The following KCNQ1 variants were observed in gnomAD, a reference collection of about 807,000 sequenced individuals.
KCNQ1 encodes potassium voltage-gated channel subfamily KQT member 1.
Under a neutral mutation model 72.4 loss-of-function variants are expected in KCNQ1, and 49 were observed. The observed-to-expected ratio is 0.68, with a 90% CI of 0.54 to 0.86. The LOEUF is 0.86. Ranked by LOEUF, KCNQ1 falls within the 40% of genes least tolerant of loss-of-function variation. KCNQ1 has a pLI of 0.00. For synonymous variants in KCNQ1, 450 were observed against 412.6 expected (o/e 1.09, Z -1.10); for missense variants, 790 against 945.1 (o/e 0.84, Z 2.15).
chr11:2,751,454 C>G (rs907344124), intron 11 of KCNQ1, among the ~76,000 whole-genome samples: 1 of 152,234 alleles, frequency 6.6e-6, no homozygotes. Context: ...CCACGTTCCA[C>G]CCCCAGGAAA....
chr11:2,679,390 T>A lies in KCNQ1; in HGVS notation c.1514+17309T>A. On this transcript the variant is annotated intron_variant, in intron 11 of 15. Transcript: ENST00000155840. The surrounding 1 kb of genome is among the most constrained non-coding windows in gnomAD (Gnocchi z 4.8). ...GAGTCACTTAGTCTCAGTTTCTTTA[T>A]TTGTAAAATGGGAATCATAAGAGTA... The A allele has an allele frequency of 2.5e-6, 1 of 398,672 alleles. No individual in the cohort carries two copies. Among genetic ancestry groups the A allele is most frequent in the Non-Finnish European group, 4.4e-6 (1 of 226,078 alleles). 24.7% of individuals were successfully genotyped at this position (398,672 alleles called of 1,614,324 possible).
At chr11:2,634,158 T>C (rs1488492121) in intron 10 of KCNQ1, 3 of 397,284 alleles carry the variant, frequency 7.6e-6, no homozygotes, top group Admixed American at 4.4e-5. Context: ...TAGATTTCTC[T>C]TTTCTCTCTC....
At chr11:2,789,669 C>A (rs956134581) in intron 15 of KCNQ1, among the ~76,000 whole-genome samples, 3 of 152,240 alleles carry the variant, frequency 2.0e-5, no homozygotes, top group Non-Finnish European at 2.9e-5. Context: ...CGGCCTCCCC[C>A]TTCCCAGGCC....
Position 2,662,127 on chromosome 11 carries a change from A to G in KCNQ1, c.1514+46A>G, listed in dbSNP as rs760419. 756,250 of 1,612,088 alleles carry G rather than the reference A, an allele frequency of 0.47. 184,438 individuals are homozygous for G. The highest frequency in any genetic ancestry group is 0.81 in the African/African-American group (60,651 of 74,946). ...GAAGGGCTGGGCTGGAGGGGACTGG[A>G]GCTCAAGGAGTCAGACTTGGTGCTG... On this transcript the variant is annotated intron_variant, in intron 11 of 15. Coordinates refer to ENST00000155840, the MANE Select transcript of KCNQ1 (RefSeq NM_000218.3).
intron 6 of KCNQ1, among the ~76,000 whole-genome samples, chr11:2,577,327 C>T (rs894300725): frequency 6.6e-6 from 1 of 152,198 alleles, no homozygotes; most frequent in African/African-American, 2.4e-5. Flanking sequence ...GCCGGAGTGT[C>T]CCTGCAGGAC....
rs1412910679 is a variant in KCNQ1 at position 2,704,105 on chromosome 11, T to G, written c.1514+42024T>G. ...CTCCTCGGTCCCCTTCAGTGAGGCT[T>G]TTTGCATGCATTGGTCCACACACCC... On this transcript the variant is annotated intron_variant, in intron 11 of 15. Coordinates refer to ENST00000155840, the MANE Select transcript of KCNQ1 (RefSeq NM_000218.3). This position sits in a 1 kb window ranked among gnomAD's most constrained non-coding sequence, Gnocchi z 4.3. 2.6e-5 allele frequency among the ~76,000 whole-genome samples: 4 copies of G among 152,190 alleles called. No individual in the cohort carries two copies. Among genetic ancestry groups the G allele is most frequent in the Non-Finnish European group, 5.9e-5 (4 of 68,028 alleles).
intron 15 of KCNQ1, among the ~76,000 whole-genome samples, chr11:2,821,002 C>G (rs932257286): frequency 2.0e-5 from 3 of 152,222 alleles, no homozygotes; most frequent in Non-Finnish European, 4.4e-5. Context: ...CCCATCTAAG[C>G]GAGGGGTTCC....
At chr11:2,775,011 C>G (rs1846665547) in intron 12 of KCNQ1, among the ~76,000 whole-genome samples, 1 of 152,194 alleles carries the variant, frequency 6.6e-6, no homozygotes, top group Admixed American at 6.5e-5. Context: ...GCCACTAGCT[C>G]AGTGCTAAGG....
At chr11:2,718,091 G>T (rs1851126362) in intron 11 of KCNQ1, among the ~76,000 whole-genome samples, 1 of 152,288 alleles carries the variant, frequency 6.6e-6, no homozygotes, top group East Asian at 1.9e-4. Flanking sequence ...GGAAGAGCCG[G>T]GTTGACACCC....
At chr11:2,643,458 T>C (rs373652219) in intron 10 of KCNQ1, 2 of 398,354 alleles carry the variant, frequency 5.0e-6, no homozygotes, top group African/African-American at 4.1e-5. Context: ...TTTTATCTGA[T>C]GAAAGTATAG....
At position 2,526,043 on chromosome 11, in the gene KCNQ1, C is replaced by T. The variant is rs532468245; in HGVS notation, c.387-1885C>T. 3.3e-4 allele frequency among the ~76,000 whole-genome samples: 51 copies of T among 152,268 alleles called. No individual in the cohort carries two copies. The highest frequency in any genetic ancestry group is 2.1e-3 in the Admixed American group (32 of 15,298). ...TGGCCTCTGCCTATGAGACAGGGCC[C>T]GCTGGCAGGACCCTCAAGCTGGGCT... On this transcript the variant is annotated intron_variant, in intron 1 of 15. Transcript: ENST00000155840. The surrounding 1 kb of genome is among the most constrained non-coding windows in gnomAD (Gnocchi z 6.1).
At chr11:2,518,789 T>C (rs1267409187) in intron 1 of KCNQ1, among the ~76,000 whole-genome samples, 1 of 152,096 alleles carries the variant, frequency 6.6e-6, no homozygotes, top group Admixed American at 6.5e-5. Context: ...AAGAACTTTT[T>C]AAAGAAATGA....
chr11:2,513,230 G>T (rs1408738281), intron 1 of KCNQ1, among the ~76,000 whole-genome samples: 1 of 152,138 alleles, frequency 6.6e-6, no homozygotes, highest in Non-Finnish European at 1.5e-5. Context: ...ACAACTCCAG[G>T]GGCCGTCACT....
At chr11:2,833,863 C>A (rs888063586) in intron 15 of KCNQ1, among the ~76,000 whole-genome samples, 1 of 152,202 alleles carries the variant, frequency 6.6e-6, no homozygotes, top group South Asian at 2.1e-4. Context: ...GGCTGAGGAG[C>A]GGCGGGGAGC....
intron 11 of KCNQ1, chr11:2,692,707 T>G (rs1590036185): frequency 2.5e-6 from 1 of 398,688 alleles, no homozygotes. Flanking sequence ...CCACTAACCC[T>G]GGGAGGGTAG....
At chr11:2,686,959 C>T in intron 11 of KCNQ1, 1 of 398,658 alleles carries the variant, frequency 2.5e-6, no homozygotes. Flanking sequence ...AGCTTACCAT[C>T]CTGATGCAGA....
At position 2,617,403 on chromosome 11, in the gene KCNQ1, T is replaced by C. The variant is rs1330223232; in HGVS notation, c.1393+28549T>C. On this transcript the variant is annotated intron_variant, in intron 10 of 15. Coordinates refer to ENST00000155840, the MANE Select transcript of KCNQ1 (RefSeq NM_000218.3). This position sits in a 1 kb window ranked among gnomAD's most constrained non-coding sequence, Gnocchi z 4.6. ...TTCATCCATGTGGCAAGTGGCAGGA[T>C]CTCCTTTTTTAATGCGGAATAATAT... is the stretch of plus-strand genomic sequence containing the variant. 2.5e-6 allele frequency: 1 copy of C among 398,326 alleles called. No individual in the cohort carries two copies. Among genetic ancestry groups the C allele is most frequent in the African/African-American group, 2.1e-5 (1 of 48,636 alleles). The allele number at this position is 398,326 out of a possible 1,614,324, so 24.7% of individuals were successfully genotyped here. A position where few individuals can be genotyped will look rare whatever the true frequency, so the allele number is the denominator to read the frequency against.
chr11:2,696,203 G>T, intron 11 of KCNQ1: 1 of 398,602 alleles, frequency 2.5e-6, no homozygotes, highest in Non-Finnish European at 4.4e-6. Context: ...TGGCCCTGGA[G>T]ATTATTCATT....
At chr11:2,747,362 G>A (rs1412235017) in intron 11 of KCNQ1, among the ~76,000 whole-genome samples, 2 of 152,188 alleles carry the variant, frequency 1.3e-5, no homozygotes, top group Non-Finnish European at 2.9e-5. Context: ...TCCCTTTAGG[G>A]AGGGAGGGAG....
Sources: gnomAD v4.1 joint callset for allele counts (sites outside exome capture counted in the v4.1 genomes callset) on GRCh38, gnomAD v4.1.1 for gene constraint, Gnocchi (gnomAD v3.1) non-coding constraint, MANE v1.5 for transcripts, NCBI Gene and HGNC (gene_info 2026-07-23, HGNC 2026-07-21) for gene names.